The following CIITA variants were observed in gnomAD, a reference collection of about 807,000 sequenced individuals.
The protein encoded by CIITA is class II major histocompatibility complex transactivator.
CIITA carries 72 observed loss-of-function variants against 115.1 expected under a neutral mutation model. The ratio of observed to expected loss-of-function variants is 0.63; its 90% CI spans 0.52 to 0.76. The LOEUF is 0.76. Among genes scored for constraint, CIITA ranks in the 30% least tolerant of loss-of-function variants. The pLI is 0.00. For missense variants in CIITA, 1,617 were observed against 1,463.8 expected (o/e 1.10, Z -1.71); for synonymous variants, 763 against 635.6 (o/e 1.20, Z -3.02).
intron 1 of CIITA, among the ~76,000 whole-genome samples, chr16:10,892,057 C>T (rs1387031952): frequency 2.0e-5 from 3 of 152,178 alleles, no homozygotes; most frequent in African/African-American, 4.8e-5. Flanking sequence ...GGTGTGGTGG[C>T]TCACACCTGT....
Position 10,901,465 on chromosome 16 carries a change from C to T in CIITA, c.437-49C>T. Reference sequence around the variant, plus strand: ...TGCTAGAGTCCTGAGCCCCTTCTGGCTTGGGACATCCTCTCCCTGGGGCAG... The same window carrying T: ...TGCTAGAGTCCTGAGCCCCTTCTGGTTTGGGACATCCTCTCCCTGGGGCAG... On this transcript the variant is annotated intron_variant, in intron 5 of 19. Transcript: ENST00000324288. The surrounding 1 kb of genome is among the most constrained non-coding windows in gnomAD (Gnocchi z 6.8). The T allele has an allele frequency of 1.2e-6, 2 of 1,608,574 alleles. No individual in the cohort carries two copies. Among genetic ancestry groups the T allele is most frequent in the Non-Finnish European group, 1.7e-6 (2 of 1,175,232 alleles).
upstream of CIITA, among the ~76,000 whole-genome samples, chr16:10,875,969 C>CAAAAAAAG (rs2035807850): frequency 6.6e-6 from 1 of 151,076 alleles, no homozygotes; most frequent in Non-Finnish European, 1.5e-5. Flanking sequence ...GACTCCGTCT[C>CAAAAAAAG]AAAAAAAGAA....
Position 10,902,047 on chromosome 16 carries a change from C to T in CIITA, c.491C>T (p.Pro164Leu), listed in dbSNP as rs886051637. 1.2e-6 allele frequency: 2 copies of T among 1,614,122 alleles called. No individual in the cohort carries two copies. Among genetic ancestry groups the T allele is most frequent in the Admixed American group, 1.7e-5 (1 of 60,028 alleles). ...DLKHWKPAEP[P>L]TVVTGSLLVG... ...GCCCACTTCCTCACAGCTGAGCCCCCCACTGTGGTGACTGGCAGTCTCCTA... is the reference window on the plus strand; with the variant it reads ...GCCCACTTCCTCACAGCTGAGCCCCTCACTGTGGTGACTGGCAGTCTCCTA... Residue 164 changes from proline (P) to leucine (L), a missense_variant, in exon 7 of 20, where the codon CCC becomes CTC. Physicochemically the swap from Pro to Leu is moderately conservative, Grantham distance 98. Transcript: ENST00000324288.
chr16:10,922,365 G>A, intron 17 of CIITA, 42 bp from the exon 18 acceptor site: 3 of 1,612,804 alleles, frequency 1.9e-6, no homozygotes, highest in Non-Finnish European at 2.5e-6. Flanking sequence ...TGGAGCTGGG[G>A]AGTCCCAAGG....
At chr16:10,913,189 C>T (rs899067173) in intron 13 of CIITA, among the ~76,000 whole-genome samples, 3 of 152,276 alleles carry the variant, frequency 2.0e-5, no homozygotes, top group Non-Finnish European at 4.4e-5. Context: ...ATCTGCATGG[C>T]TCATGCCTTC....
chr16:10,906,586 T>C lies in CIITA; in HGVS notation c.1094T>C (p.Leu365Pro), dbSNP rs1278765705. 1 of 1,613,514 alleles carries C rather than the reference T, an allele frequency of 6.2e-7. No homozygotes were observed. Among genetic ancestry groups the C allele is most frequent in the African/African-American group, 1.3e-5 (1 of 74,924 alleles). ...GPDGILVEVDLVQARLERSSS... is the reference protein window; with the variant it reads ...GPDGILVEVDPVQARLERSSS... ...GATGGCATCCTAGTGGAGGTGGATCTGGTGCAGGCCAGGCTGGAGAGGAGC... is the reference window on the plus strand; with the variant it reads ...GATGGCATCCTAGTGGAGGTGGATCCGGTGCAGGCCAGGCTGGAGAGGAGC... The change falls in exon 11 of 20, where the codon CTG becomes CCG. Residue 365 changes from leucine to proline, a missense_variant. Transcript: ENST00000324288.
chr16:10,900,617 G>GTA (rs2038637741), intron 5 of CIITA, among the ~76,000 whole-genome samples: 1 of 152,008 alleles, frequency 6.6e-6, no homozygotes, highest in South Asian at 2.1e-4. Context: ...GCGAACACCT[G>GTA]TAATCCCAGC....
At chr16:10,876,020 G>T, upstream of CIITA, among the ~76,000 whole-genome samples, 1 of 152,210 alleles carries the variant, frequency 6.6e-6, no homozygotes, top group Non-Finnish European at 1.5e-5. Context: ...CATAGTGGCA[G>T]GTGCCTGTAA....
intron 12 of CIITA, 45 bp downstream of exon 12, chr16:10,909,232 G>T: frequency 6.2e-7 from 1 of 1,603,040 alleles, no homozygotes; most frequent in Non-Finnish European, 8.5e-7. Context: ...CATGCAGGTT[G>T]AGGACATGTA....
chr16:10,940,462 T>A (rs2041087199), downstream of CIITA: 1 of 152,222 alleles, frequency 6.6e-6, no homozygotes, highest in African/African-American at 2.4e-5. The surrounding 1 kb of genome is among the most constrained non-coding windows in gnomAD (Gnocchi z 4.2). Context: ...GGCATTAGTG[T>A]CCATTTTCCT....
At chr16:10,891,136 C>T (rs796564677) in intron 1 of CIITA, among the ~76,000 whole-genome samples, 4 of 152,304 alleles carry the variant, frequency 2.6e-5, no homozygotes, top group African/African-American at 9.6e-5. Flanking sequence ...CCAGGCTCCT[C>T]CCTGCGGTCC....
upstream of CIITA, among the ~76,000 whole-genome samples, chr16:10,876,304 C>T (rs957134805): frequency 6.6e-6 from 1 of 152,234 alleles, no homozygotes; most frequent in Non-Finnish European, 1.5e-5. Context: ...CACAAGCCAC[C>T]TGGCCCAGCC....
intron 13 of CIITA, chr16:10,915,168 A>G (rs1230835954): frequency 4.4e-5 from 18 of 406,206 alleles, no homozygotes; most frequent in Non-Finnish European, 8.2e-5. Flanking sequence ...CTTCCACCTC[A>G]GCCTCCTAAG....
At chr16:10,867,324 G>GGT (rs200584543) in intron 1 of CIITA, among the ~76,000 whole-genome samples, 32 of 32,806 alleles carry the variant, frequency 9.8e-4, no homozygotes, top group East Asian at 5.8e-3. Context: ...TGTGTGTGTT[G>GGT]GGGGGGGGCA....
Position 10,920,707 on chromosome 16 carries a change from C to T in CIITA, c.3150-1460C>T, listed in dbSNP as rs139896515. On this transcript the variant is annotated intron_variant, in intron 16 of 19. Transcript: ENST00000324288. The surrounding 1 kb of genome is among the most constrained non-coding windows in gnomAD (Gnocchi z 4.5). Reference sequence around the variant, plus strand: ...AATGGTGACATATATGTCTTGGCATCGATGAAATATGGTCAGATTACTCTC... The same window carrying T: ...AATGGTGACATATATGTCTTGGCATTGATGAAATATGGTCAGATTACTCTC... Among the ~76,000 whole-genome samples, 80 of 152,166 alleles carry T rather than the reference C, an allele frequency of 5.3e-4. No individual in the cohort carries two copies. Among genetic ancestry groups the T allele is most frequent in the African/African-American group, 1.8e-3 (73 of 41,510 alleles).
chr16:10,901,734 T>C lies in CIITA; in HGVS notation c.481+176T>C. Reference sequence around the variant, plus strand: ...TAGAGTCCTCTAAGGGGCTCACGACTGTTTGTGGAAGGTGGTAGGGGCTTG... The same window carrying C: ...TAGAGTCCTCTAAGGGGCTCACGACCGTTTGTGGAAGGTGGTAGGGGCTTG... On this transcript the variant is annotated intron_variant, in intron 6 of 19. Coordinates refer to ENST00000324288, the MANE Select transcript of CIITA (RefSeq NM_000246.4). The surrounding 1 kb of genome is among the most constrained non-coding windows in gnomAD (Gnocchi z 6.8). 4.2e-6 allele frequency: 3 copies of C among 711,178 alleles called. No homozygotes were observed. The highest frequency in any genetic ancestry group is 4.8e-6 in the Non-Finnish European group (2 of 420,100). The allele number at this position is 711,178 out of a possible 1,614,324, so 44.1% of individuals were successfully genotyped here.
Position 10,907,011 on chromosome 16 carries a change from C to G in CIITA, c.1519C>G (p.Gln507Glu). The G allele has an allele frequency of 6.2e-7, 1 of 1,609,578 alleles. No individual in the cohort carries two copies. The highest frequency in any genetic ancestry group is 2.2e-5 in the East Asian group (1 of 44,838). The change falls in exon 11 of 20, where the codon CAA (glutamine) becomes GAA (glutamate). Residue 507 changes from glutamine to glutamate, a missense_variant. Coordinates refer to ENST00000324288, the MANE Select transcript of CIITA (RefSeq NM_000246.4). The surrounding 1 kb of genome is among the most constrained non-coding windows in gnomAD (Gnocchi z 5.0). The stretch of plus-strand genomic sequence containing the variant: ...AGACGGCTTCGAGGAGCTGGAAGCG[C>G]AAGATGGCTTCCTGCACAGCACGTG... ...ILDGFEELEAQDGFLHSTCGP... is the reference protein window; with the variant it reads ...ILDGFEELEAEDGFLHSTCGP...
chr16:10,929,577 G>C lies in CIITA; in HGVS notation c.*5722G>C, dbSNP rs1163392123. ...GAGCAGGTCTAACAAGAAGGAAAAA[G>C]GGGGGTTATTAGCACGGAAGCCCCA... On this transcript the variant is annotated 3_prime_UTR_variant, in exon 20 of 20. Coordinates refer to ENST00000324288, the MANE Select transcript of CIITA (RefSeq NM_000246.4). This position sits in a 1 kb window ranked among gnomAD's most constrained non-coding sequence, Gnocchi z 4.3. 1 of 985,232 alleles carries C rather than the reference G, an allele frequency of 1.0e-6. No individual in the cohort carries two copies. The highest frequency in any genetic ancestry group is 1.7e-5 in the African/African-American group (1 of 57,226). 61.0% of individuals were successfully genotyped at this position (985,232 alleles called of 1,614,324 possible). A position where few individuals can be genotyped will look rare whatever the true frequency, so the allele number is the denominator to read the frequency against.
chr16:10,936,946 C>T (rs2041036856), downstream of CIITA: 1 of 152,166 alleles, frequency 6.6e-6, no homozygotes, highest in African/African-American at 2.4e-5. Flanking sequence ...TATGAATATC[C>T]AAATTGAGAG....
Sources: gnomAD v4.1 joint callset for allele counts (sites outside exome capture counted in the v4.1 genomes callset) on GRCh38, gnomAD v4.1.1 for gene constraint, Gnocchi (gnomAD v3.1) non-coding constraint, MANE v1.5 for transcripts, NCBI Gene and HGNC (gene_info 2026-07-23, HGNC 2026-07-21) for gene names.